The following CACNB2 variants were observed in gnomAD, a reference collection of about 807,000 sequenced individuals.
CACNB2 encodes the protein voltage-dependent L-type calcium channel subunit beta-2.
A neutral mutation model predicts 73.3 loss-of-function variants in CACNB2; 42 were observed. That is an observed-to-expected ratio of 0.57 (90% CI 0.45 to 0.74). The LOEUF (loss-of-function observed/expected upper bound fraction) is 0.74. CACNB2 is among the 30% of genes least tolerant of loss of function. The pLI is 0.00. For missense variants in CACNB2, 940 were observed against 853.0 expected, an observed-to-expected ratio of 1.10 and a Z score of -1.27; for synonymous variants, 348 against 310.3, an observed-to-expected ratio of 1.12 and a Z score of -1.28.
At chr10:18,353,291 TC>T (rs1416288915) in intron 2 of CACNB2, among the ~76,000 whole-genome samples, 3 of 152,016 alleles carry the variant, frequency 2.0e-5, no homozygotes, top group African/African-American at 7.2e-5. Context: ...GCACCTGTAA[TC>T]CCAGCTACTC....
At chr10:18,283,150 C>T (rs920029526) in intron 2 of CACNB2, among the ~76,000 whole-genome samples, 7 of 152,160 alleles carry the variant, frequency 4.6e-5, no homozygotes, top group Non-Finnish European at 8.8e-5. Flanking sequence ...AGATGGCAAT[C>T]ATTAAAAAGT....
intron 2 of CACNB2, among the ~76,000 whole-genome samples, chr10:18,176,795 G>A (rs796420978): frequency 6.6e-6 from 1 of 151,868 alleles, no homozygotes; most frequent in African/African-American, 2.4e-5. Context: ...TGCTGGGTGG[G>A]CAGGCATGGT....
intron 2 of CACNB2, among the ~76,000 whole-genome samples, chr10:18,154,006 C>T (rs2031826427): frequency 6.6e-6 from 1 of 151,466 alleles, no homozygotes; most frequent in Admixed American, 6.6e-5. Flanking sequence ...AGCTAGGGAA[C>T]ATATATAATT....
chr10:18,145,233 G>A (rs1588535782), intron 1 of CACNB2, among the ~76,000 whole-genome samples: 1 of 152,230 alleles, frequency 6.6e-6, no homozygotes, highest in African/African-American at 2.4e-5. Flanking sequence ...TATCCAAAAA[G>A]AGTAGCAGCT....
chr10:18,447,858 C>T (rs1398146247), intron 3 of CACNB2, among the ~76,000 whole-genome samples: 2 of 151,718 alleles, frequency 1.3e-5, no homozygotes, highest in Non-Finnish European at 2.9e-5. Flanking sequence ...ACATTTTGCT[C>T]AACACAGGGA....
At chr10:18,228,887 T>G (rs1193560028) in intron 2 of CACNB2, among the ~76,000 whole-genome samples, 1 of 152,054 alleles carries the variant, frequency 6.6e-6, no homozygotes, top group East Asian at 1.9e-4. Context: ...TACAAGCATG[T>G]GCCACCATGC....
At chr10:18,240,793 C>T (rs1434817130) in intron 2 of CACNB2, among the ~76,000 whole-genome samples, 1 of 152,102 alleles carries the variant, frequency 6.6e-6, no homozygotes, top group Non-Finnish European at 1.5e-5. Flanking sequence ...CTTCCCTTTT[C>T]TCCCCCATCC....
chr10:18,371,962 AG>A (rs2042603590), intron 2 of CACNB2, among the ~76,000 whole-genome samples: 3 of 152,202 alleles, frequency 2.0e-5, no homozygotes, highest in African/African-American at 7.2e-5. Flanking sequence ...AGTGATGATG[AG>A]CATTTTTTCA....
chr10:18,480,936 A>T (rs1264992855), intron 3 of CACNB2, among the ~76,000 whole-genome samples: 4 of 151,992 alleles, frequency 2.6e-5, no homozygotes, highest in Non-Finnish European at 1.5e-5. Flanking sequence ...TGTTTTTAAT[A>T]TCAAAAGAAA....
At chr10:18,398,301 G>T (rs894839990) in intron 2 of CACNB2, among the ~76,000 whole-genome samples, 4 of 152,168 alleles carry the variant, frequency 2.6e-5, no homozygotes, top group African/African-American at 9.7e-5. Flanking sequence ...GCTGTCTTTG[G>T]ATGGGAGACT....
At chr10:18,500,481 C>A (rs2050133853) in intron 4 of CACNB2, among the ~76,000 whole-genome samples, 1 of 152,124 alleles carries the variant, frequency 6.6e-6, no homozygotes, top group South Asian at 2.1e-4. Context: ...AACAGTACTT[C>A]CTAAAGATCT....
rs138047831 is a variant in CACNB2, at chr10:18,391,283, A to G, written c.214-10641A>G. 5.6e-3 allele frequency among the ~76,000 whole-genome samples: 852 copies of G among 152,370 alleles called. 6 individuals carry two copies. The highest frequency in any genetic ancestry group is 0.019 in the African/African-American group (770 of 41,584). ...AATATTTATCATCCGTTCATCATGGAAAGTCACATTTCTGTTTGTGTTTTT... is the reference window on the plus strand; with the variant it reads ...AATATTTATCATCCGTTCATCATGGGAAGTCACATTTCTGTTTGTGTTTTT... On this transcript the variant is annotated intron_variant, in intron 2 of 13. Transcript: ENST00000324631.
At chr10:18,268,683 G>T (rs530469116) in intron 2 of CACNB2, among the ~76,000 whole-genome samples, 1 of 152,284 alleles carries the variant, frequency 6.6e-6, no homozygotes, top group East Asian at 1.9e-4. Flanking sequence ...ACATCATTAA[G>T]TATGTTGCAA....
intron 2 of CACNB2, among the ~76,000 whole-genome samples, chr10:18,306,476 G>A (rs1422974025): frequency 6.6e-6 from 1 of 152,176 alleles, no homozygotes; most frequent in Non-Finnish European, 1.5e-5. Context: ...GTTCCCATCA[G>A]CCTTGTTGCA....
chr10:18,484,579 A>G (rs2048964222), intron 3 of CACNB2, among the ~76,000 whole-genome samples: 1 of 152,138 alleles, frequency 6.6e-6, no homozygotes, highest in African/African-American at 2.4e-5. Flanking sequence ...TGCTCAAATT[A>G]GTGTGAACCC....
intron 2 of CACNB2, chr10:18,261,967 G>A (rs141242517): frequency 3.9e-6 from 2 of 518,962 alleles, no homozygotes; most frequent in African/African-American, 1.9e-5. Flanking sequence ...ATTGCAATAT[G>A]CTGTGCCTTA....
chr10:18,191,071 C>T (rs1030576258), intron 2 of CACNB2, among the ~76,000 whole-genome samples: 2 of 152,128 alleles, frequency 1.3e-5, no homozygotes, highest in African/African-American at 2.4e-5. Context: ...ATGATGACGT[C>T]AGGAACTGGG....
chr10:18,364,719 C>T (rs578203459), intron 2 of CACNB2, among the ~76,000 whole-genome samples: 7 of 152,106 alleles, frequency 4.6e-5, no homozygotes, highest in East Asian at 1.9e-4. Flanking sequence ...TTGTTGCCAC[C>T]GTTTCTTTTG....
intron 2 of CACNB2, among the ~76,000 whole-genome samples, chr10:18,332,280 T>C (rs1302266291): frequency 6.6e-6 from 1 of 152,012 alleles, no homozygotes; most frequent in Non-Finnish European, 1.5e-5. Context: ...TGGTGAGAGG[T>C]GGCAAGGGTT....
Sources: gnomAD v4.1 joint callset for allele counts (sites outside exome capture counted in the v4.1 genomes callset) on GRCh38, gnomAD v4.1.1 for gene constraint, MANE v1.5 for transcripts, NCBI Gene and HGNC (gene_info 2026-07-23, HGNC 2026-07-21) for gene names.